PCDHGB6: variants seen among roughly 807,000 people sequenced by gnomAD.
PCDHGB6 encodes the protein protocadherin gamma subfamily B, 6, also known as protocadherin gamma-B6.
A neutral mutation model predicts 59.1 loss-of-function variants in PCDHGB6; 51 were observed. The ratio of observed to expected loss-of-function variants is 0.86; its 90% CI spans 0.69 to 1.09. The LOEUF is 1.09. Ranked by LOEUF, PCDHGB6 falls within the 50% of genes least tolerant of loss-of-function variation. The probability of loss-of-function intolerance (pLI) is 0.00; values close to 1 mark genes in which losing one functional copy is unlikely to be tolerated. For synonymous variants in PCDHGB6, 466 were observed against 495.1 expected, an observed-to-expected ratio of 0.94 and a Z score of 0.78; for missense variants, 1,148 against 1,205.1, an observed-to-expected ratio of 0.95 and a Z score of 0.70.
At chr5:141,472,980 C>CAAAAAA (rs60579131) in intron 1 of PCDHGB6, among the ~76,000 whole-genome samples, 7 of 86,100 alleles carry the variant, frequency 8.1e-5, no homozygotes, top group South Asian at 4.3e-4. Context: ...GAGTGAAACT[C>CAAAAAA]AAAAAAAAAA....
chr5:141,477,808 C>T lies in PCDHGB6; in HGVS notation c.2419-16999C>T, dbSNP rs750186099. 2.5e-6 allele frequency: 4 copies of T among 1,613,994 alleles called. No individual in the cohort carries two copies. In the African/African-American group the frequency reaches 4.0e-5, roughly 16 times the overall value. On this transcript the variant is annotated intron_variant, in intron 1 of 3. Coordinates refer to ENST00000520790, the MANE Select transcript of PCDHGB6 (RefSeq NM_018926.3). The surrounding 1 kb of genome is among the most constrained non-coding windows in gnomAD (Gnocchi z 4.9). ...TTGTCACTGATCGCAATGACAATGC[C>T]CCCCAGGTCCTATATCCTCGGCCAG...
intron 1 of PCDHGB6, among the ~76,000 whole-genome samples, chr5:141,447,378 T>C (rs2098536967): frequency 6.6e-6 from 1 of 152,148 alleles, no homozygotes; most frequent in Non-Finnish European, 1.5e-5. Context: ...ACCCTGGTGA[T>C]CTGCCCACCT....
At chr5:141,441,325 T>C (rs961263461) in intron 1 of PCDHGB6, 1 of 152,192 alleles carries the variant, frequency 6.6e-6, no homozygotes, top group African/African-American at 2.4e-5. Flanking sequence ...AGAAAAATCT[T>C]CCTCCAATAA....
chr5:141,493,338 A>G lies in PCDHGB6; in HGVS notation c.2419-1469A>G, dbSNP rs773870729. Among the ~76,000 whole-genome samples the G allele has an allele frequency of 6.6e-6, 1 of 152,162 alleles. No individual in the cohort carries two copies. The highest frequency in any genetic ancestry group is 1.5e-5 in the Non-Finnish European group (1 of 68,028). On this transcript the variant is annotated intron_variant, in intron 1 of 3. Transcript: ENST00000520790. This position sits in a 1 kb window ranked among gnomAD's most constrained non-coding sequence, Gnocchi z 4.3. ...GATTCTAACCCCTGTCTAACTCCAG[A>G]ATGTGTGCTTTTAATTTCTTGGCAC...
intron 1 of PCDHGB6, among the ~76,000 whole-genome samples, chr5:141,454,924 C>T (rs1252057038): frequency 6.7e-6 from 1 of 149,858 alleles, no homozygotes; most frequent in Non-Finnish European, 1.5e-5. Context: ...TCTCCTGCCT[C>T]AGCCTCCCGA....
rs545524357 is a variant in PCDHGB6, at chr5:141,467,902, G to A, written c.2419-26905G>A. ...TCAAACTCCTGAGCTCAAGAAATCC[G>A]CCCACCTCAGCCTCCCAAAATGCTA... On this transcript the variant is annotated intron_variant, in intron 1 of 3. Coordinates refer to ENST00000520790, the MANE Select transcript of PCDHGB6 (RefSeq NM_018926.3). 1.1e-4 allele frequency among the ~76,000 whole-genome samples: 16 copies of A among 151,862 alleles called. No homozygotes were observed. The East Asian group carries it at 2.3e-3, about 22-fold the overall frequency.
Position 141,491,302 on chromosome 5 carries a change from T to TC in PCDHGB6, c.2419-3504dup. The TC allele has an allele frequency of 6.2e-7, 1 of 1,614,126 alleles. No individual in the cohort carries two copies. Among genetic ancestry groups the TC allele is most frequent in the Non-Finnish European group, 8.5e-7 (1 of 1,180,000 alleles). On this transcript the variant is annotated intron_variant, in intron 1 of 3. Transcript: ENST00000520790. The surrounding 1 kb of genome is among the most constrained non-coding windows in gnomAD (Gnocchi z 6.9). ...CTTCCTCATACACCCTCCTGAGCGT[T>TC]CAGACCTTACCCTTTACCTCATTGT... is the stretch of plus-strand genomic sequence containing the variant.
At chr5:141,452,524 C>T (rs542476667) in intron 1 of PCDHGB6, among the ~76,000 whole-genome samples, 83 of 152,294 alleles carry the variant, frequency 5.4e-4, no homozygotes, top group African/African-American at 1.9e-3. Flanking sequence ...CCCTCAAAAT[C>T]GTGAGTTCAT....
At chr5:141,444,644 G>T (rs1300191764) in intron 1 of PCDHGB6, among the ~76,000 whole-genome samples, 1 of 151,892 alleles carries the variant, frequency 6.6e-6, no homozygotes, top group Non-Finnish European at 1.5e-5. Flanking sequence ...ATTGAGGTAG[G>T]GGTTGAAGTT....
chr5:141,436,519 C>A (rs770168763), intron 1 of PCDHGB6, among the ~76,000 whole-genome samples: 2 of 152,140 alleles, frequency 1.3e-5, no homozygotes, highest in African/African-American at 2.4e-5. Context: ...TTAACTGTGT[C>A]ACCTTTAGCA....
intron 1 of PCDHGB6, among the ~76,000 whole-genome samples, chr5:141,464,139 C>T (rs1200161549): frequency 6.6e-6 from 1 of 151,928 alleles, no homozygotes; most frequent in Admixed American, 6.6e-5. Flanking sequence ...GTGGTGGGCG[C>T]CTGTAGTCCC....
At chr5:141,433,693 C>T (rs772152724) in intron 1 of PCDHGB6, among the ~76,000 whole-genome samples, 2 of 151,986 alleles carry the variant, frequency 1.3e-5, no homozygotes, top group Admixed American at 6.6e-5. Flanking sequence ...CAAAATTAGC[C>T]GGGCGTGGTG....
At chr5:141,495,104 G>C (rs552664771) in intron 2 of PCDHGB6, among the ~76,000 whole-genome samples, 16 of 152,194 alleles carry the variant, frequency 1.1e-4, no homozygotes, top group Admixed American at 8.5e-4. Flanking sequence ...CGCCACGACC[G>C]GCACCTTTTC....
At chr5:141,464,279 C>CA (rs373828487) in intron 1 of PCDHGB6, among the ~76,000 whole-genome samples, 31,576 of 137,520 alleles carry the variant, frequency 0.23, 3,494 homozygotes, top group African/African-American at 0.28. Context: ...AAAAAAAAAG[C>CA]AAAAAAAAAA....
In PCDHGB6 at chr5:141,490,376, C is replaced by T. The variant is rs761956816; in HGVS notation, c.2419-4431C>T. 2 of 1,614,184 alleles carry T rather than the reference C, an allele frequency of 1.2e-6. No individual in the cohort carries two copies. The highest frequency in any genetic ancestry group is 1.7e-6 in the Non-Finnish European group (2 of 1,180,036). ...TTGTTTAATGTGCGAGACCGGGACT[C>T]AGGTAGAAATGGTGAAGTGAGCCTT... is the stretch of plus-strand genomic sequence containing the variant. On this transcript the variant is annotated intron_variant, in intron 1 of 3. Transcript: ENST00000520790. The surrounding 1 kb of genome is among the most constrained non-coding windows in gnomAD (Gnocchi z 5.4).
intron 1 of PCDHGB6, among the ~76,000 whole-genome samples, chr5:141,458,412 G>A (rs2098945236): frequency 6.6e-6 from 1 of 152,034 alleles, no homozygotes; most frequent in Non-Finnish European, 1.5e-5. Context: ...ACGGAGCGGG[G>A]GTTCCAAAGC....
intron 1 of PCDHGB6, chr5:141,414,130 T>C (rs761622500): frequency 6.3e-7 from 1 of 1,594,602 alleles, no homozygotes; most frequent in South Asian, 1.1e-5. Context: ...AACCGGTTTC[T>C]ATGAAATAGA....
Position 141,476,437 on chromosome 5 carries a change from TCTGGAGTTGGTAGTGGAGAACCC to T in PCDHGB6, c.2419-18369_2419-18347del. ...GGACACTGCCCTCTTGCACTGTAAC[TCTGGAGTTGGTAGTGGAGAACCC>T]GCTGGAGCTGTTCAGCGTGGAAGTG... On this transcript the variant is annotated intron_variant, in intron 1 of 3. Transcript: ENST00000520790. The surrounding 1 kb of genome is among the most constrained non-coding windows in gnomAD (Gnocchi z 7.6). 1 of 1,614,004 alleles carries T rather than the reference TCTGGAGTTGGTAGTGGAGAACCC, an allele frequency of 6.2e-7. No individual in the cohort carries two copies. The highest frequency in any genetic ancestry group is 2.2e-5 in the East Asian group (1 of 44,836).
At position 141,486,417 on chromosome 5, in the gene PCDHGB6, G is replaced by T. The variant is rs1298448753; in HGVS notation, c.2419-8390G>T. On this transcript the variant is annotated intron_variant, in intron 1 of 3. Transcript: ENST00000520790. The surrounding 1 kb of genome is among the most constrained non-coding windows in gnomAD (Gnocchi z 5.0). ...CTGGTGACTGCTGGACCCTTGGATCGAGAGGCCAAATCTAGCTATGACATC... is the reference window on the plus strand; with the variant it reads ...CTGGTGACTGCTGGACCCTTGGATCTAGAGGCCAAATCTAGCTATGACATC... The T allele has an allele frequency of 6.2e-7, 1 of 1,614,014 alleles. No homozygotes were observed. The highest frequency in any genetic ancestry group is 1.7e-5 in the Admixed American group (1 of 60,010).
Sources: gnomAD v4.1 joint callset for allele counts (sites outside exome capture counted in the v4.1 genomes callset) on GRCh38, gnomAD v4.1.1 for gene constraint, Gnocchi (gnomAD v3.1) non-coding constraint, MANE v1.5 for transcripts, NCBI Gene and HGNC (gene_info 2026-07-23, HGNC 2026-07-21) for gene names.